PBX4: variants seen among roughly 807,000 people sequenced by gnomAD.
PBX4 encodes the protein PBX homeobox 4.
A neutral mutation model predicts 35.1 loss-of-function variants in PBX4; 26 were observed. That is an observed-to-expected ratio of 0.74 (90% CI 0.54 to 1.03). The LOEUF (loss-of-function observed/expected upper bound fraction) is 1.03, where lower values mean the gene tolerates loss of function less well. Among genes scored for constraint, PBX4 ranks in the 50% least tolerant of loss-of-function variants. The pLI is 0.00. For missense variants in PBX4, 448 were observed against 504.3 expected (o/e 0.89, Z 1.07); for synonymous variants, 199 against 204.2 (o/e 0.97, Z 0.22).
chr19:19,569,473 C>T lies in PBX4; in HGVS notation c.744G>A (p.Arg248=), dbSNP rs145584999. 1.5e-4 allele frequency: 247 copies of T among 1,613,132 alleles called. No homozygotes were observed. The highest frequency in any genetic ancestry group is 1.9e-4 in the African/African-American group (14 of 74,964). The stretch of plus-strand genomic sequence containing the variant: ...CCTGGGAGATGGTGAGGCCGCCCTT[C>T]CTGGCCAGCTCTTCTTTGGCTTCTT... The part of the protein sequence containing the change: ...PSEEAKEELA[R]KGGLTISQVS... Residue 248 remains arginine, a synonymous_variant, in exon 5 of 8, where the codon AGG becomes AGA. Coordinates refer to ENST00000251203, the MANE Select transcript of PBX4 (RefSeq NM_025245.3).
At chr19:19,575,822 C>T (rs1289116637) in intron 2 of PBX4, among the ~76,000 whole-genome samples, 1 of 152,188 alleles carries the variant, frequency 6.6e-6, no homozygotes, top group Non-Finnish European at 1.5e-5. Context: ...TCTTGTTCAA[C>T]AGCTCCTTCC....
intron 2 of PBX4, among the ~76,000 whole-genome samples, chr19:19,589,899 A>C (rs976311614): frequency 6.6e-6 from 1 of 152,186 alleles, no homozygotes; most frequent in Admixed American, 6.6e-5. Context: ...GTCAGAAGAC[A>C]AACCAGAAAA....
chr19:19,588,253 C>T (rs1250480505), intron 2 of PBX4: 108 of 1,304,196 alleles, frequency 8.3e-5, no homozygotes, highest in Non-Finnish European at 1.1e-4. Flanking sequence ...CACAGAGCCC[C>T]GGTAAGATCC....
chr19:19,564,934 G>T lies in PBX4; in HGVS notation c.924C>A (p.Ser308=), dbSNP rs201219684. 1.2e-6 allele frequency: 2 copies of T among 1,614,224 alleles called. No homozygotes were observed. The highest frequency in any genetic ancestry group is 2.2e-5 in the East Asian group (1 of 44,886). The change falls in exon 6 of 8, where the codon TCC becomes TCA. Residue 308 remains serine (S), a splice_region_variant and synonymous_variant. Coordinates refer to ENST00000251203, the MANE Select transcript of PBX4 (RefSeq NM_025245.3). ...NHASCLSTPS[S]GSSGPFPLPS... ...TGTCCCTGGGCCAGCCTCACTCACC[G>T]GAGCTAGGTGTTGACAGGCAGCTGG...
chr19:19,613,655 C>T lies in PBX4; in HGVS notation c.119+4856G>A, dbSNP rs116721648. Reference sequence around the variant, plus strand: ...GTCTGGAAAGTACAAAAGTAGCTTCCAGGACACACCCAAAGCTCTGCCTCT... The same window carrying T: ...GTCTGGAAAGTACAAAAGTAGCTTCTAGGACACACCCAAAGCTCTGCCTCT... On this transcript the variant is annotated intron_variant, in intron 1 of 7. Transcript: ENST00000251203. Among the ~76,000 whole-genome samples the T allele has an allele frequency of 3.1e-3, 471 of 152,178 alleles. 5 individuals are homozygous for T. The highest frequency in any genetic ancestry group is 0.011 in the African/African-American group (447 of 41,534).
At chr19:19,569,777 G>C (rs980371520) in intron 4 of PBX4, among the ~76,000 whole-genome samples, 193 bp from the exon 5 acceptor site, 3 of 152,156 alleles carry the variant, frequency 2.0e-5, no homozygotes, top group African/African-American at 7.2e-5. Context: ...GGGCATGGTG[G>C]CGGGAGCCTG....
At chr19:19,602,171 G>T (rs989852727) in intron 1 of PBX4, among the ~76,000 whole-genome samples, 1 of 152,130 alleles carries the variant, frequency 6.6e-6, no homozygotes, top group African/African-American at 2.4e-5. Flanking sequence ...GGTAGCTCAC[G>T]CCTGTAATCT....
intron 2 of PBX4, among the ~76,000 whole-genome samples, chr19:19,592,821 G>A (rs1314241135): frequency 6.6e-6 from 1 of 152,238 alleles, no homozygotes; most frequent in Non-Finnish European, 1.5e-5. Flanking sequence ...AGATGACACA[G>A]GTGGGTGTGT....
intron 2 of PBX4, among the ~76,000 whole-genome samples, chr19:19,585,465 C>A (rs2061483405): frequency 6.6e-6 from 1 of 152,152 alleles, no homozygotes; most frequent in South Asian, 2.1e-4. Flanking sequence ...TAGATATTCA[C>A]CCAACTGAGG....
intron 2 of PBX4, among the ~76,000 whole-genome samples, chr19:19,581,379 C>T (rs2061452931): frequency 6.6e-6 from 1 of 152,182 alleles, no homozygotes; most frequent in Non-Finnish European, 1.5e-5. Flanking sequence ...CTCTGAACCA[C>T]CCCAGTCCCA....
rs993718764 is a variant in PBX4, at chr19:19,565,173, G to A, written c.769-84C>T. ...AGTCTGTGGGTTCCCTGGGGTGCCC[G>A]TTGCTCCCACTGCCTTAGAAGACAA... On this transcript the variant is annotated intron_variant, in intron 5 of 7. Coordinates refer to ENST00000251203, the MANE Select transcript of PBX4 (RefSeq NM_025245.3). 35 of 1,530,532 alleles carry A rather than the reference G, an allele frequency of 2.3e-5. No homozygotes were observed. The East Asian group carries it at 3.1e-4, about 14-fold the overall frequency. 94.8% of individuals were successfully genotyped at this position (1,530,532 alleles called of 1,614,324 possible).
chr19:19,577,306 T>C (rs2061426033), intron 2 of PBX4, among the ~76,000 whole-genome samples: 2 of 152,218 alleles, frequency 1.3e-5, no homozygotes, highest in Admixed American at 6.5e-5. Context: ...TTTGAGATAC[T>C]GGTTAACCTT....
intron 1 of PBX4, among the ~76,000 whole-genome samples, chr19:19,616,120 T>C (rs2061687601): frequency 6.6e-6 from 1 of 152,016 alleles, no homozygotes; most frequent in Non-Finnish European, 1.5e-5. Flanking sequence ...AGGACTTCAG[T>C]CCTTTCCTTT....
chr19:19,573,330 TACAC>T (rs397838081), intron 2 of PBX4, among the ~76,000 whole-genome samples: 20,066 of 133,194 alleles, frequency 0.15, 1,737 homozygotes, highest in African/African-American at 0.23. Context: ...AAAAAAAATA[TACAC>T]ACACACACAC....
intron 2 of PBX4, 77 bp downstream of exon 2, chr19:19,599,214 GC>G: frequency 8.1e-7 from 1 of 1,237,186 alleles, no homozygotes; most frequent in Non-Finnish European, 1.2e-6. Flanking sequence ...TGATCTGCCC[GC>G]CTCCGCCTCC....
intron 2 of PBX4, among the ~76,000 whole-genome samples, chr19:19,586,766 C>T (rs957838363): frequency 2.0e-5 from 3 of 151,592 alleles, no homozygotes; most frequent in African/African-American, 7.3e-5. Flanking sequence ...CCCATCTTTA[C>T]TAAAAATACA....
In PBX4 at chr19:19,564,835, G is replaced by C. The variant is rs984884024; in HGVS notation, c.925+98C>G. On this transcript the variant is annotated intron_variant, in intron 6 of 7. Transcript: ENST00000251203. ...AAGAGTTACACAGAGTTGACCACTGGGGGAAGGGAGATGTGGTCCCACTGT... is the reference window on the plus strand; with the variant it reads ...AAGAGTTACACAGAGTTGACCACTGCGGGAAGGGAGATGTGGTCCCACTGT... 4 of 1,441,330 alleles carry C rather than the reference G, an allele frequency of 2.8e-6. No individual in the cohort carries two copies. In the African/African-American group the frequency reaches 5.6e-5, roughly 20 times the overall value. 89.3% of individuals were successfully genotyped at this position (1,441,330 alleles called of 1,614,324 possible).
rs763121425 is a variant in PBX4, at chr19:19,618,514, G to T, written c.116C>A (p.Ala39Asp). The stretch of plus-strand genomic sequence containing the variant: ...CTGCCGAGCCCGCGGGCAGCACCTG[G>T]CCTGTGCCTCGTCCAGGCTCTGGTC... ...ITDQSLDEAQARKHALNCHRM... is the reference protein window; with the variant it reads ...ITDQSLDEAQDRKHALNCHRM... Residue 39 changes from alanine to aspartate, a missense_variant, in exon 1 of 8, where the codon GCC becomes GAC. Physicochemically the swap from Ala to Asp is moderately radical, Grantham distance 126. Coordinates refer to ENST00000251203, the MANE Select transcript of PBX4 (RefSeq NM_025245.3). 2.0e-6 allele frequency: 3 copies of T among 1,483,176 alleles called. No individual in the cohort carries two copies. The highest frequency in any genetic ancestry group is 2.2e-5 in the Admixed American group (1 of 44,802). 91.9% of individuals were successfully genotyped at this position (1,483,176 alleles called of 1,614,324 possible).
chr19:19,569,359 C>A, intron 5 of PBX4, 90 bp downstream of exon 5: 1 of 1,489,086 alleles, frequency 6.7e-7, no homozygotes, highest in Admixed American at 2.2e-5. Flanking sequence ...GGCCTCTGCA[C>A]ACATTTAACA....
Sources: gnomAD v4.1 joint callset for allele counts (sites outside exome capture counted in the v4.1 genomes callset) on GRCh38, gnomAD v4.1.1 for gene constraint, MANE v1.5 for transcripts, NCBI Gene and HGNC (gene_info 2026-07-23, HGNC 2026-07-21) for gene names.